The following PPTC7 variants were observed in gnomAD, a reference collection of about 807,000 sequenced individuals.
PPTC7 encodes the protein protein phosphatase targeting COQ7.
A neutral mutation model predicts 30.8 loss-of-function variants in PPTC7; 6 were observed. The ratio of observed to expected loss-of-function variants is 0.19; its 90% CI spans 0.11 to 0.38. PPTC7 has a LOEUF of 0.38. PPTC7 is among the 10% of genes least tolerant of loss of function. The pLI is 1.00. For synonymous variants in PPTC7, 163 were observed against 168.1 expected (o/e 0.97, Z 0.23); for missense variants, 218 against 404.8 (o/e 0.54, Z 3.96).
chr12:110,564,440 G>C (rs2064463055), intron 1 of PPTC7, among the ~76,000 whole-genome samples: 1 of 152,070 alleles, frequency 6.6e-6, no homozygotes, highest in African/African-American at 2.4e-5. Flanking sequence ...GGCCCTTTAG[G>C]CTGGGGAGAA....
At chr12:110,537,880 A>G (rs2064231036) in intron 5 of PPTC7, among the ~76,000 whole-genome samples, 1 of 152,230 alleles carries the variant, frequency 6.6e-6, no homozygotes, top group African/African-American at 2.4e-5. Flanking sequence ...TTCAGGTCCA[A>G]GCATTGCGGT....
intron 3 of PPTC7, among the ~76,000 whole-genome samples, chr12:110,545,645 T>C (rs571511423): frequency 2.0e-5 from 3 of 152,202 alleles, no homozygotes; most frequent in Non-Finnish European, 4.4e-5. Flanking sequence ...AAGCCTGAAA[T>C]AGTATTTTCA....
At chr12:110,538,413 C>T in intron 4 of PPTC7, 140 bp from the exon 5 acceptor site, 24 of 737,336 alleles carry the variant, frequency 3.3e-5, no homozygotes, top group Non-Finnish European at 5.1e-5. Context: ...ATGAACAAGA[C>T]TCCAGTGCTG....
intron 1 of PPTC7, among the ~76,000 whole-genome samples, chr12:110,559,569 T>C (rs959487496): frequency 3.2e-4 from 49 of 151,694 alleles, no homozygotes; most frequent in African/African-American, 1.2e-3. Flanking sequence ...CTACTAAAAA[T>C]ACAAAAATTA....
intron 1 of PPTC7, among the ~76,000 whole-genome samples, chr12:110,574,729 G>A (rs2064572828): frequency 6.6e-6 from 1 of 152,030 alleles, no homozygotes; most frequent in Admixed American, 6.6e-5. Context: ...TGAACTGTTA[G>A]GAAACAAATT....
chr12:110,567,872 G>A (rs2064498009), intron 1 of PPTC7, among the ~76,000 whole-genome samples: 1 of 152,156 alleles, frequency 6.6e-6, no homozygotes, highest in Non-Finnish European at 1.5e-5. Context: ...TTGGAGACAA[G>A]GGTGATGAGA....
intron 3 of PPTC7, among the ~76,000 whole-genome samples, chr12:110,543,254 A>C (rs2064277693): frequency 6.6e-6 from 1 of 152,226 alleles, no homozygotes; most frequent in Non-Finnish European, 1.5e-5. Context: ...CACTTGACTG[A>C]GGAAAAAGGT....
At chr12:110,579,490 T>C (rs2064618358) in intron 1 of PPTC7, among the ~76,000 whole-genome samples, 1 of 152,208 alleles carries the variant, frequency 6.6e-6, no homozygotes, top group East Asian at 1.9e-4. Flanking sequence ...CTGATTCCTA[T>C]GCATGGACCT....
chr12:110,564,621 C>CT (rs2064464976), intron 1 of PPTC7, among the ~76,000 whole-genome samples: 1 of 152,122 alleles, frequency 6.6e-6, no homozygotes, highest in African/African-American at 2.4e-5. Context: ...TAGGCACCCT[C>CT]TGGGAGAGGT....
rs958432246 is a variant in PPTC7 at position 110,534,754 on chromosome 12, T to C, written c.*2283A>G. The C allele has an allele frequency of 2.6e-5, 4 of 152,234 alleles. No individual in the cohort carries two copies. Among genetic ancestry groups the C allele is most frequent in the African/African-American group, 7.2e-5 (3 of 41,442 alleles). 9.4% of individuals were successfully genotyped at this position (152,234 alleles called of 1,614,324 possible). A position where few individuals can be genotyped will look rare whatever the true frequency, so the allele number is the denominator to read the frequency against. On this transcript the variant is annotated 3_prime_UTR_variant, in exon 6 of 6. Transcript: ENST00000354300. ...TTTCAGTATCACTGGAACAAACACA[T>C]CGTCAATTTCTAACAATCGTTTCTC...
intron 1 of PPTC7, among the ~76,000 whole-genome samples, chr12:110,561,549 C>T (rs1194720433): frequency 6.6e-6 from 1 of 152,176 alleles, no homozygotes; most frequent in African/African-American, 2.4e-5. Context: ...CTCCTGACCT[C>T]AAGTGATTGC....
chr12:110,573,888 C>T (rs889062935), intron 1 of PPTC7, among the ~76,000 whole-genome samples: 2 of 151,674 alleles, frequency 1.3e-5, no homozygotes, highest in South Asian at 2.1e-4. Flanking sequence ...GGCTGAGGCA[C>T]GAGAATCGCT....
intron 1 of PPTC7, among the ~76,000 whole-genome samples, chr12:110,557,145 A>AC (rs2064395580): frequency 1.3e-5 from 2 of 152,262 alleles, no homozygotes; most frequent in Non-Finnish European, 2.9e-5. Context: ...CATGGGAGCC[A>AC]CTAGCCACAT....
At chr12:110,548,269 T>G (rs748651085) in intron 2 of PPTC7, among the ~76,000 whole-genome samples, 2 of 152,180 alleles carry the variant, frequency 1.3e-5, no homozygotes, top group Non-Finnish European at 1.5e-5. Flanking sequence ...ATATTAATAG[T>G]TGTTTTAGTG....
Position 110,551,979 on chromosome 12 carries a change from A to G in PPTC7, c.224-11T>C. ...CACCATCTGCAACCCCTGAAGAAAA[A>G]ACAAAAATTACAGTAAAAGAACAAT... On this transcript the variant is annotated splice_polypyrimidine_tract_variant and intron_variant, in intron 1 of 5. Transcript: ENST00000354300. 1 of 1,591,904 alleles carries G rather than the reference A, an allele frequency of 6.3e-7. No homozygotes were observed. Among genetic ancestry groups the G allele is most frequent in the Non-Finnish European group, 8.6e-7 (1 of 1,167,480 alleles).
intron 1 of PPTC7, among the ~76,000 whole-genome samples, chr12:110,576,917 A>G (rs1467997810): frequency 6.6e-6 from 1 of 152,240 alleles, no homozygotes; most frequent in Non-Finnish European, 1.5e-5. Context: ...CTGTAATCCC[A>G]GCACTTTGGG....
intron 1 of PPTC7, among the ~76,000 whole-genome samples, chr12:110,567,611 T>C (rs557652449): frequency 1.3e-5 from 2 of 152,326 alleles, no homozygotes; most frequent in African/African-American, 2.4e-5. Flanking sequence ...GCTCAACTAC[T>C]TCCCACTGCC....
At chr12:110,577,070 G>C (rs1593168445) in intron 1 of PPTC7, among the ~76,000 whole-genome samples, 2 of 151,522 alleles carry the variant, frequency 1.3e-5, no homozygotes, top group Non-Finnish European at 2.9e-5. Context: ...GGGAGGCTGA[G>C]GCAGAAGAAC....
chr12:110,572,836 T>C (rs139632824), intron 1 of PPTC7, among the ~76,000 whole-genome samples: 6 of 152,154 alleles, frequency 3.9e-5, no homozygotes, highest in Admixed American at 3.9e-4. Context: ...ATATATAACC[T>C]TTCTGGAGGA....
Sources: gnomAD v4.1 joint callset for allele counts (sites outside exome capture counted in the v4.1 genomes callset) on GRCh38, gnomAD v4.1.1 for gene constraint, MANE v1.5 for transcripts, NCBI Gene and HGNC (gene_info 2026-07-23, HGNC 2026-07-21) for gene names.